TMEFF2: variants seen among roughly 807,000 people sequenced by gnomAD.
The protein encoded by TMEFF2 is tomoregulin-2.
A neutral mutation model predicts 53.8 loss-of-function variants in TMEFF2; 28 were observed. That is an observed-to-expected ratio of 0.52 (90% CI 0.39 to 0.71). The LOEUF (loss-of-function observed/expected upper bound fraction) is 0.71. Ranked by LOEUF, TMEFF2 falls within the 30% of genes least tolerant of loss-of-function variation. TMEFF2 has a pLI of 0.00. For missense variants in TMEFF2, 353 were observed against 455.2 expected (o/e 0.78, Z 2.04); for synonymous variants, 162 against 166.3 (o/e 0.97, Z 0.20).
intron 5 of TMEFF2, among the ~76,000 whole-genome samples, chr2:192,018,046 C>T (rs1686780707): frequency 6.6e-6 from 1 of 152,126 alleles, no homozygotes; most frequent in Admixed American, 6.5e-5. Context: ...TCAAAGATAA[C>T]AAGCCTTTGG....
intron 7 of TMEFF2, among the ~76,000 whole-genome samples, chr2:191,997,705 T>C (rs1463780741): frequency 2.1e-5 from 3 of 145,330 alleles, no homozygotes; most frequent in East Asian, 4.2e-4. Flanking sequence ...TTTATATTTA[T>C]ATAAAATGCT....
intron 4 of TMEFF2, among the ~76,000 whole-genome samples, chr2:192,058,348 A>C (rs1191154455): frequency 1.3e-5 from 2 of 152,124 alleles, no homozygotes; most frequent in Non-Finnish European, 2.9e-5. Flanking sequence ...TTTTACTGTC[A>C]TTTACTGAAT....
At chr2:191,950,638 A>G (rs1368009868) in intron 9 of TMEFF2, among the ~76,000 whole-genome samples, 1 of 152,092 alleles carries the variant, frequency 6.6e-6, no homozygotes. Flanking sequence ...TTGAAGAGGA[A>G]GACATTTACT....
intron 7 of TMEFF2, 142 bp downstream of exon 7, chr2:191,998,120 G>A (rs1334062718): frequency 1.5e-5 from 9 of 591,744 alleles, no homozygotes; most frequent in African/African-American, 5.8e-5. Flanking sequence ...CTTGCCTAAT[G>A]AAAGCTTGAA....
intron 4 of TMEFF2, among the ~76,000 whole-genome samples, chr2:192,107,020 A>G (rs1344741182): frequency 6.6e-6 from 1 of 151,712 alleles, no homozygotes; most frequent in Non-Finnish European, 1.5e-5. Context: ...AGGCAGAGTA[A>G]AATGTACGGT....
intron 9 of TMEFF2, 142 bp from the exon 10 acceptor site, chr2:191,950,549 T>C: frequency 7.9e-7 from 1 of 1,259,946 alleles, no homozygotes. Context: ...GAAGCTTGGA[T>C]TATTTTGGAA....
intron 5 of TMEFF2, among the ~76,000 whole-genome samples, chr2:192,040,201 C>G (rs559335599): frequency 2.6e-5 from 4 of 152,018 alleles, no homozygotes; most frequent in Admixed American, 1.3e-4. Flanking sequence ...TCTTTTCTTT[C>G]TCACCTTGAA....
At chr2:192,101,798 C>G (rs750997452) in intron 4 of TMEFF2, among the ~76,000 whole-genome samples, 16 of 152,146 alleles carry the variant, frequency 1.1e-4, no homozygotes, top group Non-Finnish European at 1.8e-4. Context: ...AGAATGTACT[C>G]TCTTGTAACG....
At chr2:192,129,259 C>T (rs1215368948) in intron 4 of TMEFF2, among the ~76,000 whole-genome samples, 1 of 150,840 alleles carries the variant, frequency 6.6e-6, no homozygotes, top group Non-Finnish European at 1.5e-5. Context: ...AAAATGTCCA[C>T]TAACTATCTC....
chr2:192,161,545 T>G (rs1690634211), intron 4 of TMEFF2, among the ~76,000 whole-genome samples: 1 of 152,188 alleles, frequency 6.6e-6, no homozygotes, highest in Non-Finnish European at 1.5e-5. Flanking sequence ...ACTTCCAAAT[T>G]TAAAGACTTT....
chr2:192,069,181 C>G (rs1409164097), intron 4 of TMEFF2, among the ~76,000 whole-genome samples: 1 of 151,748 alleles, frequency 6.6e-6, no homozygotes, highest in East Asian at 1.9e-4. Context: ...GTCAGTGACT[C>G]CTGTGATTCC....
At chr2:192,070,797 G>A (rs1022571276) in intron 4 of TMEFF2, among the ~76,000 whole-genome samples, 1 of 151,928 alleles carries the variant, frequency 6.6e-6, no homozygotes, top group Non-Finnish European at 1.5e-5. Flanking sequence ...AAGTTGAGGA[G>A]TCTGAGGACT....
intron 4 of TMEFF2, among the ~76,000 whole-genome samples, chr2:192,072,739 C>T (rs868671113): frequency 6.6e-6 from 1 of 151,946 alleles, no homozygotes; most frequent in South Asian, 2.1e-4. Flanking sequence ...ACCATTCTTA[C>T]GGGATTATAT....
At chr2:191,967,655 G>A (rs1229115147) in intron 7 of TMEFF2, among the ~76,000 whole-genome samples, 3 of 151,970 alleles carry the variant, frequency 2.0e-5, no homozygotes, top group Middle Eastern at 3.2e-3. Flanking sequence ...CTTACCTCTC[G>A]CAGGCTTTGG....
intron 5 of TMEFF2, among the ~76,000 whole-genome samples, chr2:192,048,375 C>CAT (rs1687678051): frequency 6.6e-6 from 1 of 151,382 alleles, no homozygotes; most frequent in South Asian, 2.1e-4. Context: ...CACACACACA[C>CAT]ACACACACAC....
intron 7 of TMEFF2, among the ~76,000 whole-genome samples, chr2:191,964,398 C>CTTTCTTTCTTTCTTTCTTTCTTTCTT (rs200251020): frequency 5.8e-4 from 30 of 51,760 alleles, no homozygotes; most frequent in East Asian, 1.8e-3. Context: ...TTCTTTCTTT[C>CTTTCTTTCTTTCTTTCTTTCTTTCTT]TCTTTCTTTC....
intron 7 of TMEFF2, chr2:191,992,533 A>G (rs1477650734): frequency 6.6e-6 from 1 of 152,032 alleles, no homozygotes; most frequent in Non-Finnish European, 1.5e-5. Context: ...AGCTTCTTTG[A>G]GACTCAATTT....
chr2:192,104,544 T>C (rs1427375875), intron 4 of TMEFF2, among the ~76,000 whole-genome samples: 3 of 152,126 alleles, frequency 2.0e-5, no homozygotes, highest in African/African-American at 7.2e-5. Context: ...TAGAAAGTGG[T>C]TACTGGCAAA....
chr2:192,125,625 T>G (rs1574395124), intron 4 of TMEFF2, among the ~76,000 whole-genome samples: 1 of 152,204 alleles, frequency 6.6e-6, no homozygotes, highest in African/African-American at 2.4e-5. Flanking sequence ...TCAATCCAAA[T>G]GCCCATCAAT....
Sources: allele counts gnomAD v4.1 joint callset (sites outside exome capture counted in the v4.1 genomes callset), GRCh38; gene constraint gnomAD v4.1.1; transcripts MANE v1.5; gene names NCBI Gene and HGNC (gene_info 2026-07-23, HGNC 2026-07-21).